Variants in ITGAX observed in about 807,000 individuals in gnomAD.
The protein encoded by ITGAX is integrin subunit alpha X, also known as integrin alpha-X.
A neutral mutation model predicts 140.2 loss-of-function variants in ITGAX; 99 were observed. The ratio of observed to expected loss-of-function variants is 0.71; its 90% CI spans 0.60 to 0.83. ITGAX has a LOEUF of 0.83. Among genes scored for constraint, ITGAX ranks in the 40% least tolerant of loss-of-function variants. The pLI is 0.00. For synonymous variants in ITGAX, 631 were observed against 600.4 expected (o/e 1.05, Z -0.75); for missense variants, 1,444 against 1,482.0 (o/e 0.97, Z 0.42).
intron 14 of ITGAX, among the ~76,000 whole-genome samples, chr16:31,369,564 C>T (rs1190080142): frequency 1.3e-5 from 2 of 152,224 alleles, no homozygotes; most frequent in Admixed American, 6.5e-5. Context: ...CCACTGTGAT[C>T]AGTCAGCCGT....
At chr16:31,358,784 C>T (rs1218744238) in intron 5 of ITGAX, among the ~76,000 whole-genome samples, 1 of 150,778 alleles carries the variant, frequency 6.6e-6, no homozygotes, top group Non-Finnish European at 1.5e-5. Flanking sequence ...CCTCTGCTTC[C>T]TACCGTCTGA....
At chr16:31,369,314 A>C (rs12930887) in intron 14 of ITGAX, among the ~76,000 whole-genome samples, 3 of 121,724 alleles carry the variant, frequency 2.5e-5, no homozygotes, top group Non-Finnish European at 3.4e-5. Flanking sequence ...TCCCTCCCGG[A>C]CGGGGCAGCT....
At chr16:31,381,270 G>A (rs1001362567) in intron 29 of ITGAX, among the ~76,000 whole-genome samples, 1 of 152,124 alleles carries the variant, frequency 6.6e-6, no homozygotes, top group Non-Finnish European at 1.5e-5. Flanking sequence ...TCATATAAAA[G>A]CACAGACCTG....
chr16:31,376,764 T>G (rs2081022494), intron 20 of ITGAX, 35 bp from the exon 21 acceptor site: 2 of 1,596,896 alleles, frequency 1.3e-6, no homozygotes, highest in Non-Finnish European at 1.7e-6. Flanking sequence ...GCTTTCAATT[T>G]CAACTAATAC....
At chr16:31,369,945 C>G (rs1369780473) in intron 14 of ITGAX, 1 of 152,060 alleles carries the variant, frequency 6.6e-6, no homozygotes, top group Non-Finnish European at 1.5e-5. Context: ...AGCCAGTGTG[C>G]CCTGCCCATT....
chr16:31,377,991 G>A (rs542819613), intron 23 of ITGAX, among the ~76,000 whole-genome samples: 9 of 152,220 alleles, frequency 5.9e-5, no homozygotes, highest in Non-Finnish European at 1.3e-4. Context: ...TATGCCAGCT[G>A]GAGGACAGGT....
chr16:31,378,330 G>C (rs575732460), intron 23 of ITGAX, among the ~76,000 whole-genome samples: 1 of 152,364 alleles, frequency 6.6e-6, no homozygotes, highest in African/African-American at 2.4e-5. Flanking sequence ...CCCCACAAAG[G>C]GATGGAAGGA....
At position 31,380,395 on chromosome 16, in the gene ITGAX, G is replaced by T; in HGVS notation, c.3174+16G>T. 6.2e-7 allele frequency: 1 copy of T among 1,613,090 alleles called. No homozygotes were observed. The highest frequency in any genetic ancestry group is 8.5e-7 in the Non-Finnish European group (1 of 1,179,378). On this transcript the variant is annotated intron_variant, in intron 27 of 29. Coordinates refer to ENST00000268296, the MANE Select transcript of ITGAX (RefSeq NM_000887.5). Reference sequence around the variant, plus strand: ...GGTCCGCCAGGTGTGTGGGTGCAACGACAGAGCCCCTGCCCCAGACTCAGG... The same window carrying T: ...GGTCCGCCAGGTGTGTGGGTGCAACTACAGAGCCCCTGCCCCAGACTCAGG...
chr16:31,379,695 C>G (rs2081050351), intron 24 of ITGAX, 49 bp downstream of exon 24: 1 of 1,580,634 alleles, frequency 6.3e-7, no homozygotes, highest in South Asian at 1.1e-5. Context: ...AGGCTGGGAG[C>G]CGGAGACTGG....
intron 20 of ITGAX, among the ~76,000 whole-genome samples, chr16:31,374,990 CTTCTTTCTTT>C (rs1039489646): frequency 1.3e-5 from 2 of 151,746 alleles, no homozygotes; most frequent in South Asian, 2.1e-4. Context: ...TCCTTCCTTT[CTTCTTTCTTT>C]TTCTTTCTTT....
At chr16:31,376,231 C>T (rs1031249450) in intron 20 of ITGAX, among the ~76,000 whole-genome samples, 2 of 152,012 alleles carry the variant, frequency 1.3e-5, no homozygotes, top group Admixed American at 6.6e-5. Flanking sequence ...TTATAAGAGG[C>T]CTTTAAAATA....
At chr16:31,378,256 A>C (rs1050354748) in intron 23 of ITGAX, among the ~76,000 whole-genome samples, 2 of 152,178 alleles carry the variant, frequency 1.3e-5, no homozygotes, top group African/African-American at 4.8e-5. Context: ...GCATTTGGTC[A>C]ACAGCGTCAG....
chr16:31,370,441 C>G (rs2080943717), intron 14 of ITGAX, among the ~76,000 whole-genome samples: 1 of 151,924 alleles, frequency 6.6e-6, no homozygotes, highest in South Asian at 2.1e-4. Flanking sequence ...GCGGCTTTTT[C>G]TTGTCCTTTG....
intron 3 of ITGAX, 51 bp from the exon 4 acceptor site, chr16:31,356,980 C>A: frequency 6.7e-7 from 1 of 1,499,800 alleles, no homozygotes; most frequent in Non-Finnish European, 9.1e-7. Context: ...AGCTCTTCCA[C>A]AGCCTTCTCT....
rs202064325 is a variant in ITGAX, at chr16:31,359,845, G to T, written c.561+15G>T. The T allele has an allele frequency of 6.2e-7, 1 of 1,614,062 alleles. No homozygotes were observed. The highest frequency in any genetic ancestry group is 1.1e-5 in the South Asian group (1 of 91,084). ...CCAGCACCCAGGTGTGCCTTTGGGG[G>T]AGGGAGGCTGCTGGGGGTGGGTGCT... is the stretch of plus-strand genomic sequence containing the variant. On this transcript the variant is annotated intron_variant, in intron 6 of 29. Coordinates refer to ENST00000268296, the MANE Select transcript of ITGAX (RefSeq NM_000887.5).
In ITGAX at chr16:31,377,058, T is replaced by C. The variant is rs539082671; in HGVS notation, c.2684T>C (p.Leu895Pro). Residue 895 changes from leucine to proline, a missense_variant, in exon 22 of 30, where the codon CTT (leucine) becomes CCT (proline). Leu to Pro is a moderately conservative substitution (Grantham distance 98). Coordinates refer to ENST00000268296, the MANE Select transcript of ITGAX (RefSeq NM_000887.5). ...SPKAVLGDRL[L>P]LTANVSSENN... ...AAGGCTGTCCTGGGAGACCGGCTGCTTCTGACAGCCAATGTGAGCAGGTGA... is the reference window on the plus strand; with the variant it reads ...AAGGCTGTCCTGGGAGACCGGCTGCCTCTGACAGCCAATGTGAGCAGGTGA... The C allele has an allele frequency of 8.1e-6, 13 of 1,614,234 alleles. No individual in the cohort carries two copies. The highest frequency in any genetic ancestry group is 3.4e-6 in the Non-Finnish European group (4 of 1,180,038).
At chr16:31,373,228 T>C in intron 19 of ITGAX, 21 bp from the exon 20 acceptor site, 10 of 1,513,264 alleles carry the variant, frequency 6.6e-6, no homozygotes, top group Non-Finnish European at 9.0e-6. Context: ...CATCTTCTCC[T>C]TTCCTTCACC....
rs2081074418 is a variant in ITGAX at position 31,382,132 on chromosome 16, A to C, written c.*225A>C. The C allele has an allele frequency of 2.1e-6, 3 of 1,410,422 alleles. No individual in the cohort carries two copies. Among genetic ancestry groups the C allele is most frequent in the Non-Finnish European group, 2.8e-6 (3 of 1,088,964 alleles). 87.4% of individuals were successfully genotyped at this position (1,410,422 alleles called of 1,614,324 possible). On this transcript the variant is annotated 3_prime_UTR_variant, in exon 30 of 30. Coordinates refer to ENST00000268296, the MANE Select transcript of ITGAX (RefSeq NM_000887.5). ...GGGTCCCTGCTGTGTTCCCCAAAGG[A>C]CTTGACTTGCAATTTCTACCTAGAA...
At position 31,371,343 on chromosome 16, in the gene ITGAX, T is replaced by C; in HGVS notation, c.1851T>C (p.Pro617=). Residue 617 remains proline, a synonymous_variant, in exon 16 of 30, where the codon CCT becomes CCC. Transcript: ENST00000268296. ...RGQVLLLRTR[P]VLWVGVSMQF... is the part of the protein sequence containing the mutation. Reference sequence around the variant, plus strand: ...GGTGCTCTGCCCGCAGGACCAGACCTGTGCTCTGGGTGGGGGTGAGCATGC... The same window carrying C: ...GGTGCTCTGCCCGCAGGACCAGACCCGTGCTCTGGGTGGGGGTGAGCATGC... 1.2e-6 allele frequency: 2 copies of C among 1,614,130 alleles called. No individual in the cohort carries two copies. The highest frequency in any genetic ancestry group is 1.7e-6 in the Non-Finnish European group (2 of 1,180,006).
Sources: gnomAD v4.1 joint callset for allele counts (sites outside exome capture counted in the v4.1 genomes callset) on GRCh38, gnomAD v4.1.1 for gene constraint, MANE v1.5 for transcripts, NCBI Gene and HGNC (gene_info 2026-07-23, HGNC 2026-07-21) for gene names.